DUOX1: variants seen among roughly 807,000 people sequenced by gnomAD.
The protein encoded by DUOX1 is dual oxidase 1, also known as NADPH thyroid oxidase 1.
Under a neutral mutation model 181.8 loss-of-function variants are expected in DUOX1, and 134 were observed. The observed-to-expected ratio is 0.74, with a 90% CI of 0.64 to 0.85. The LOEUF is 0.85. Ranked by LOEUF, DUOX1 falls within the 40% of genes least tolerant of loss-of-function variation. The probability of loss-of-function intolerance (pLI) is 0.00; values close to 1 mark genes in which losing one functional copy is unlikely to be tolerated. For synonymous variants in DUOX1, 798 were observed against 832.5 expected (o/e 0.96, Z 0.71); for missense variants, 1,814 against 2,064.4 (o/e 0.88, Z 2.35).
At chr15:45,153,784 G>A in intron 26 of DUOX1, 167 bp from the exon 27 acceptor site, 2 of 666,020 alleles carry the variant, frequency 3.0e-6, no homozygotes, top group South Asian at 1.8e-5. Context: ...CTACTGGGGA[G>A]GCTGAGGCAG....
intron 33 of DUOX1, 89 bp downstream of exon 33, chr15:45,164,007 C>T (rs1897169254): frequency 5.2e-6 from 8 of 1,538,066 alleles, no homozygotes; most frequent in East Asian, 2.3e-5. Context: ...AGGAAGAAAT[C>T]GACTGCTGAT....
At chr15:45,141,851 A>T (rs1896501440) in intron 14 of DUOX1, 124 bp from the exon 15 acceptor site, 1 of 1,074,090 alleles carries the variant, frequency 9.3e-7, no homozygotes, top group African/African-American at 1.6e-5. Context: ...TACCCAAGGC[A>T]GCCCCTTCCC....
chr15:45,134,014 G>C, intron 3 of DUOX1, 67 bp downstream of exon 3: 5 of 1,590,896 alleles, frequency 3.1e-6, no homozygotes, highest in Middle Eastern at 1.7e-4. Context: ...CGGGGCAAGA[G>C]CTGGCAAGTA....
chr15:45,142,122 T>G lies in DUOX1; in HGVS notation c.1822+10T>G, dbSNP rs550706236. 3 of 1,611,632 alleles carry G rather than the reference T, an allele frequency of 1.9e-6. No homozygotes were observed. The African/African-American group carries it at 4.0e-5, about 21-fold the overall frequency. ...TGTTGCTTCCCTTTGGGTAAAATCA[T>G]GGACAGAGTGGGGTGGGGTGAGAGA... On this transcript the variant is annotated intron_variant, in intron 15 of 33. Coordinates refer to ENST00000389037, the MANE Select transcript of DUOX1 (RefSeq NM_175940.3).
At chr15:45,161,529 G>A (rs1216577376) in intron 29 of DUOX1, among the ~76,000 whole-genome samples, 1 of 151,688 alleles carries the variant, frequency 6.6e-6, no homozygotes, top group African/African-American at 2.4e-5. Context: ...TCATCGCAGA[G>A]AGCAGAGAAG....
At chr15:45,138,853 G>A (rs1896409305) in intron 10 of DUOX1, 1 of 577,574 alleles carries the variant, frequency 1.7e-6, no homozygotes, top group Admixed American at 3.2e-5. Flanking sequence ...CCTTGTGCTT[G>A]TATAGACCTC....
At chr15:45,130,891 C>T (rs1896111274) in intron 1 of DUOX1, among the ~76,000 whole-genome samples, 1 of 152,220 alleles carries the variant, frequency 6.6e-6, no homozygotes, top group Non-Finnish European at 1.5e-5. Flanking sequence ...TCCAGCTTTA[C>T]AGCTTCAACC....
Position 45,135,732 on chromosome 15 carries a change from C to T in DUOX1, c.698-50C>T, listed in dbSNP as rs544191322. 168 of 1,433,782 alleles carry T rather than the reference C, an allele frequency of 1.2e-4. No individual in the cohort carries two copies. The African/African-American group carries it at 2.1e-3, about 18-fold the overall frequency. 88.8% of individuals were successfully genotyped at this position (1,433,782 alleles called of 1,614,324 possible). On this transcript the variant is annotated intron_variant, in intron 6 of 33. Transcript: ENST00000389037. ...GGGGGTCTGCGAGTGTGGGCTCCCC[C>T]GATCACGCTACCGCTCGTCTCCTCC...
chr15:45,144,027 T>A lies in DUOX1; in HGVS notation c.1937-9T>A. On this transcript the variant is annotated splice_polypyrimidine_tract_variant and intron_variant, in intron 16 of 33. Coordinates refer to ENST00000389037, the MANE Select transcript of DUOX1 (RefSeq NM_175940.3). ...CCCAGCTGACGAAGCCCTGTCTCTC[T>A]CCCCCTAGCTTTGGAATGGCAAGGC... 1.2e-6 allele frequency: 2 copies of A among 1,613,178 alleles called. No homozygotes were observed. The highest frequency in any genetic ancestry group is 1.7e-6 in the Non-Finnish European group (2 of 1,179,730).
chr15:45,139,373 A>G (rs1013590628), intron 11 of DUOX1, 54 bp from the exon 12 acceptor site: 1 of 1,600,114 alleles, frequency 6.2e-7, no homozygotes, highest in East Asian at 2.2e-5. Context: ...CCTGGACTGG[A>G]CACTGCTGTG....
chr15:45,161,048 CAG>C, intron 29 of DUOX1, 58 bp downstream of exon 29: 2 of 1,608,912 alleles, frequency 1.2e-6, no homozygotes, highest in Non-Finnish European at 1.7e-6. Context: ...CGGGCAGAGG[CAG>C]AGTCTAGACC....
chr15:45,153,576 A>G (rs578203721), intron 26 of DUOX1, 97 bp downstream of exon 26: 10 of 1,266,492 alleles, frequency 7.9e-6, no homozygotes, highest in Non-Finnish European at 1.0e-5. Context: ...TTTGGGTGGA[A>G]AGAAATTATC....
intron 9 of DUOX1, among the ~76,000 whole-genome samples, chr15:45,137,139 G>A (rs1017444020): frequency 3.3e-5 from 5 of 150,642 alleles, no homozygotes; most frequent in Non-Finnish European, 7.4e-5. Context: ...CCTGAGGTCG[G>A]GAGTTAGAGA....
Position 45,151,228 on chromosome 15 carries a change from T to TCGG in DUOX1, c.2998_3000dup (p.Arg1001dup). On this transcript the variant is annotated inframe_insertion, in exon 23 of 34. Transcript: ENST00000389037. ...TGGACACAGACCCTCCCCAGGAGAT[T>TCGG]CGGCGGAGGTTTGGCAAGAAGTATG... 1 of 1,614,060 alleles carries TCGG rather than the reference T, an allele frequency of 6.2e-7. No homozygotes were observed. The highest frequency in any genetic ancestry group is 1.1e-5 in the South Asian group (1 of 91,054).
rs1897192479 is a variant in DUOX1, at chr15:45,164,944, G to T, written c.*43G>T. The T allele has an allele frequency of 1.2e-6, 2 of 1,606,132 alleles. No homozygotes were observed. Among genetic ancestry groups the T allele is most frequent in the South Asian group, 2.2e-5 (2 of 90,794 alleles). ...CTGCCCACTGCCCAGTTGAGCAGAG[G>T]TTTGAGCCCACACCTCACCTCTGTT... On this transcript the variant is annotated 3_prime_UTR_variant, in exon 34 of 34. Transcript: ENST00000389037.
chr15:45,155,347 C>A, intron 27 of DUOX1: 1 of 155,412 alleles, frequency 6.4e-6, no homozygotes, highest in South Asian at 2.0e-4. Flanking sequence ...GGCGGATCAC[C>A]TGAGGCCAGG....
At position 45,163,052 on chromosome 15, in the gene DUOX1, A is replaced by G. The variant is rs532137168; in HGVS notation, c.4249-480A>G. The stretch of plus-strand genomic sequence containing the variant: ...TCTGCCCTCTGCTTCTTAACTATAC[A>G]GCCCCGCTTTCCTCCCTCGGAAGCT... On this transcript the variant is annotated intron_variant, in intron 31 of 33. Transcript: ENST00000389037. Among the ~76,000 whole-genome samples, 111 of 152,288 alleles carry G rather than the reference A, an allele frequency of 7.3e-4. 2 individuals are homozygous for G. Among genetic ancestry groups the G allele is most frequent in the African/African-American group, 2.6e-3 (110 of 41,556 alleles).
Position 45,135,169 on chromosome 15 carries a change from A to T in DUOX1, c.373A>T (p.Ile125Phe). The T allele has an allele frequency of 6.2e-7, 1 of 1,613,824 alleles. No individual in the cohort carries two copies. Residue 125 changes from isoleucine (I) to phenylalanine (F), a missense_variant, in exon 5 of 34, where the codon ATT becomes TTT. Ile to Phe is a conservative substitution (Grantham distance 21). Transcript: ENST00000389037. The stretch of plus-strand genomic sequence containing the variant: ...CGGCTGCCCCGCCGAGTTCCTCAAC[A>T]TTCGCATCCCGCCCGGAGACCCCAT... ...TPGCPAEFLN[I>F]RIPPGDPMFD...
chr15:45,148,504 C>T, intron 21 of DUOX1, 57 bp downstream of exon 21: 3 of 1,536,630 alleles, frequency 2.0e-6, no homozygotes, highest in Non-Finnish European at 2.6e-6. Flanking sequence ...AGGCACAATG[C>T]CCACATACTT....
Sources: gnomAD v4.1 joint callset for allele counts (sites outside exome capture counted in the v4.1 genomes callset) on GRCh38, gnomAD v4.1.1 for gene constraint, MANE v1.5 for transcripts, NCBI Gene and HGNC (gene_info 2026-07-23, HGNC 2026-07-21) for gene names.